The following MTCL2 variants were observed in gnomAD, a reference collection of about 807,000 sequenced individuals.
MTCL2 encodes microtubule cross-linking factor 2.
the MTCL2 span, chr20:36,862,807 ACGG>A: frequency 7.2e-7 from 1 of 1,395,964 alleles, no homozygotes; most frequent in Non-Finnish European, 9.3e-7. Flanking sequence ...GCGGCCACCG[ACGG>A]CTCGTCCGGG....
At chr20:36,839,208 C>CA in the MTCL2 span, 1 of 1,585,348 alleles carries the variant, frequency 6.3e-7, no homozygotes, top group Middle Eastern at 1.8e-4. The surrounding 1 kb of genome is among the most constrained non-coding windows in gnomAD (Gnocchi z 5.1). Flanking sequence ...CACCCGAGCC[C>CA]AGGCTGACCT....
chr20:36,815,621 G>A, the MTCL2 span: 1 of 1,601,190 alleles, frequency 6.2e-7, no homozygotes, highest in Non-Finnish European at 8.5e-7. This position sits in a 1 kb window ranked among gnomAD's most constrained non-coding sequence, Gnocchi z 5.3. Context: ...TCTGGCAGGA[G>A]GCGAGGTCAC....
At chr20:36,863,400 C>T in the MTCL2 span, 1 of 1,129,298 alleles carries the variant, frequency 8.9e-7, no homozygotes, top group Non-Finnish European at 1.1e-6. The surrounding 1 kb of genome is among the most constrained non-coding windows in gnomAD (Gnocchi z 6.2). Flanking sequence ...CGCCCGGCCT[C>T]GACGTCCCTG....
the MTCL2 span, chr20:36,802,951 A>C: frequency 1.9e-6 from 3 of 1,580,094 alleles, no homozygotes; most frequent in South Asian, 3.5e-5. Flanking sequence ...TCCTGGCTCC[A>C]GTTGCGCTCA....
At chr20:36,859,613 G>T in the MTCL2 span, 2 of 1,231,722 alleles carry the variant, frequency 1.6e-6, no homozygotes, top group South Asian at 4.1e-5. Flanking sequence ...CACTGGGAGA[G>T]AGTTGCCCGA....
chr20:36,810,402 T>C, the MTCL2 span, among the ~76,000 whole-genome samples: 1 of 152,236 alleles, frequency 6.6e-6, no homozygotes. Context: ...AGATGTTCAT[T>C]GTTTCATTGT....
At chr20:36,842,462 A>AT in the MTCL2 span, among the ~76,000 whole-genome samples, 1 of 152,328 alleles carries the variant, frequency 6.6e-6, no homozygotes, top group Admixed American at 6.5e-5. Flanking sequence ...AATGATTTAA[A>AT]TAAGATTGTA....
chr20:36,794,326 G>A, the MTCL2 span: 8 of 1,574,518 alleles, frequency 5.1e-6, no homozygotes. The surrounding 1 kb of genome is among the most constrained non-coding windows in gnomAD (Gnocchi z 5.4). Context: ...GACTATAGTA[G>A]ACTCGGATGC....
chr20:36,816,228 AGCTTAGTGAGCTTCTTGCACATGAGG>A, the MTCL2 span: 1 of 1,612,824 alleles, frequency 6.2e-7, no homozygotes, highest in Non-Finnish European at 8.5e-7. Flanking sequence ...CTCCTTGGCA[AGCTTAGTGAGCTTCTTGCACATGAGG>A]GCTGACTCCT....
At chr20:36,823,139 A>C in the MTCL2 span, among the ~76,000 whole-genome samples, 1 of 152,222 alleles carries the variant, frequency 6.6e-6, no homozygotes, top group African/African-American at 2.4e-5. Flanking sequence ...TGAGTGGCTG[A>C]AATGGCCACA....
At chr20:36,785,065 C>G in the MTCL2 span, 1 of 985,448 alleles carries the variant, frequency 1.0e-6, no homozygotes, top group Non-Finnish European at 1.2e-6. Flanking sequence ...CCGTCCAGCC[C>G]TCCACCTTGT....
the MTCL2 span, chr20:36,785,261 A>C: frequency 1.1e-5 from 11 of 985,398 alleles, no homozygotes; most frequent in Non-Finnish European, 1.3e-5. Flanking sequence ...TCGTCCACCC[A>C]GGGGACCCCA....
At chr20:36,833,280 G>C in the MTCL2 span, among the ~76,000 whole-genome samples, 3 of 152,166 alleles carry the variant, frequency 2.0e-5, no homozygotes, top group African/African-American at 7.2e-5. Flanking sequence ...AGGGCCCCAC[G>C]TGTCTATCCC....
the MTCL2 span, among the ~76,000 whole-genome samples, chr20:36,813,374 C>T: frequency 3.1e-5 from 4 of 128,526 alleles, no homozygotes; most frequent in East Asian, 2.3e-4. Flanking sequence ...AAGATGAAAC[C>T]GGATCAACAG....
chr20:36,863,350 C>T, the MTCL2 span: 31 of 1,167,984 alleles, frequency 2.7e-5, no homozygotes, highest in East Asian at 1.1e-3. The surrounding 1 kb of genome is among the most constrained non-coding windows in gnomAD (Gnocchi z 6.2). Context: ...TCCATCGCGG[C>T]CTCCCTCGGC....
At chr20:36,788,578 C>A in the MTCL2 span, among the ~76,000 whole-genome samples, 1 of 152,102 alleles carries the variant, frequency 6.6e-6, no homozygotes, top group East Asian at 1.9e-4. Flanking sequence ...GCGGAGCTTG[C>A]AGTGAGCCAA....
the MTCL2 span, chr20:36,829,277 C>G: frequency 6.7e-7 from 1 of 1,483,772 alleles, no homozygotes; most frequent in Non-Finnish European, 9.0e-7. Flanking sequence ...GCAAGTCCCA[C>G]TGACCACCCG....
the MTCL2 span, among the ~76,000 whole-genome samples, chr20:36,823,668 T>TGCG: frequency 6.6e-6 from 1 of 151,928 alleles, no homozygotes; most frequent in Non-Finnish European, 1.5e-5. Context: ...ATTAGCCAGG[T>TGCG]GTGGTGGCGT....
the MTCL2 span, chr20:36,777,744 C>T: frequency 1.7e-6 from 1 of 579,068 alleles, no homozygotes; most frequent in South Asian, 2.2e-5. Flanking sequence ...AGGACCCTCA[C>T]CAGGAAACCA....
Sources: gnomAD v4.1 joint callset for allele counts (sites outside exome capture counted in the v4.1 genomes callset) on GRCh38, gnomAD v4.1.1 for gene constraint, Gnocchi (gnomAD v3.1) non-coding constraint, MANE v1.5 for transcripts, NCBI Gene and HGNC (gene_info 2026-07-23, HGNC 2026-07-21) for gene names.